UBE2T: variants seen among roughly 807,000 people sequenced by gnomAD.
UBE2T encodes ubiquitin-conjugating enzyme E2 T.
UBE2T carries 15 observed loss-of-function variants against 23.3 expected under a neutral mutation model. That is an observed-to-expected ratio of 0.64 (90% CI 0.43 to 0.99). UBE2T has a LOEUF of 0.99. UBE2T is among the 50% of genes least tolerant of loss of function. UBE2T has a pLI of 0.00. For missense variants in UBE2T, 197 were observed against 234.9 expected, an observed-to-expected ratio of 0.84 and a Z score of 1.05; for synonymous variants, 67 against 78.4, an observed-to-expected ratio of 0.85 and a Z score of 0.77.
intron 1 of UBE2T, among the ~76,000 whole-genome samples, chr1:202,336,347 A>G (rs907450135): frequency 1.3e-5 from 2 of 149,778 alleles, no homozygotes; most frequent in African/African-American, 4.9e-5. Context: ...TCAGCCGCCT[A>G]TGTAGCTGGA....
chr1:202,333,550 G>A lies in UBE2T; in HGVS notation c.185C>T (p.Pro62Leu), dbSNP rs968427687. 1.2e-6 allele frequency: 2 copies of A among 1,611,826 alleles called. No individual in the cohort carries two copies. Among genetic ancestry groups the A allele is most frequent in the Non-Finnish European group, 1.7e-6 (2 of 1,178,522 alleles). ...KLEVIIPERYPFEPPQIRFLT... is the reference protein window; with the variant it reads ...KLEVIIPERYLFEPPQIRFLT... ...AAATCGGATCTGAGGAGGTTCAAAT[G>A]GGTACCTATGAAAGAATAAGACAAC... Residue 62 changes from proline (P) to leucine (L), a missense_variant, in exon 4 of 7, where the codon CCA becomes CTA. Physicochemically the swap from Pro to Leu is moderately conservative, Grantham distance 98. Coordinates refer to ENST00000646651, the MANE Select transcript of UBE2T (RefSeq NM_014176.4).
rs56137992 is a variant in UBE2T, at chr1:202,332,907, C to CAAA, written c.468+100_468+102dup. The CAAA allele has an allele frequency of 3.7e-4, 58 of 157,642 alleles. 9 individuals carry two copies. Among genetic ancestry groups the CAAA allele is most frequent in the African/African-American group, 9.8e-4 (13 of 13,234 alleles). 9.8% of individuals were successfully genotyped at this position (157,642 alleles called of 1,614,324 possible). On this transcript the variant is annotated intron_variant, in intron 6 of 6. Coordinates refer to ENST00000646651, the MANE Select transcript of UBE2T (RefSeq NM_014176.4). Reference sequence around the variant, plus strand: ...TGGGCGACAGAGCGAGACTCCGTCTCAAAAAAAAAAAAAAAAAAAAAAAAA... The same window carrying CAAA: ...TGGGCGACAGAGCGAGACTCCGTCTCAAAAAAAAAAAAAAAAAAAAAAAAAAAA...
intron 1 of UBE2T, among the ~76,000 whole-genome samples, chr1:202,337,304 A>G (rs1405770940): frequency 1.3e-5 from 2 of 152,174 alleles, no homozygotes; most frequent in East Asian, 3.8e-4. Flanking sequence ...CATGTTGTAC[A>G]TGGTGTCTTT....
In UBE2T at chr1:202,335,940, T is replaced by C. The variant is rs1654872702; in HGVS notation, c.-64-122A>G. On this transcript the variant is annotated intron_variant, in intron 1 of 6. Coordinates refer to ENST00000646651, the MANE Select transcript of UBE2T (RefSeq NM_014176.4). The surrounding 1 kb of genome is among the most constrained non-coding windows in gnomAD (Gnocchi z 4.0). ...CCTCTTTTTTGTTTTGAGACACAGT[T>C]TCACTCTGTCACCCAGACTGGAGGG... 1.8e-6 allele frequency: 1 copy of C among 562,160 alleles called. No individual in the cohort carries two copies. Among genetic ancestry groups the C allele is most frequent in the Non-Finnish European group, 3.2e-6 (1 of 314,676 alleles). 34.8% of individuals were successfully genotyped at this position (562,160 alleles called of 1,614,324 possible).
At position 202,335,020 on chromosome 1, in the gene UBE2T, C is replaced by T; in HGVS notation, c.148G>A (p.Val50Ile). Reference protein sequence around the residue: ...GGANTPYEKGVFKLEVIIPER... With the variant: ...GGANTPYEKGIFKLEVIIPER... Reference sequence around the variant, plus strand: ...GGAATGATAACTTCTAGCTTAAAAACACCTTTCTCATAAGGTGTGTTGGCT... The same window carrying T: ...GGAATGATAACTTCTAGCTTAAAAATACCTTTCTCATAAGGTGTGTTGGCT... Residue 50 changes from valine to isoleucine, a missense_variant, in exon 3 of 7, where the codon GTT (valine) becomes ATT (isoleucine). Transcript: ENST00000646651. This position sits in a 1 kb window ranked among gnomAD's most constrained non-coding sequence, Gnocchi z 4.0. The T allele has an allele frequency of 6.2e-7, 1 of 1,612,716 alleles. No homozygotes were observed. Among genetic ancestry groups the T allele is most frequent in the Non-Finnish European group, 8.5e-7 (1 of 1,179,332 alleles).
rs1463953469 is a variant in UBE2T, at chr1:202,333,232, T to C, written c.384+5A>G. 5.0e-6 allele frequency: 8 copies of C among 1,613,958 alleles called. No individual in the cohort carries two copies. Among genetic ancestry groups the C allele is most frequent in the Non-Finnish European group, 5.9e-6 (7 of 1,180,002 alleles). ...TGTGTTGCAGAGGAAAATGGGGATATTTACTATGTCAGCCATGAGCGGGTC... is the reference window on the plus strand; with the variant it reads ...TGTGTTGCAGAGGAAAATGGGGATACTTACTATGTCAGCCATGAGCGGGTC... On this transcript the variant is annotated splice_donor_5th_base_variant and intron_variant, in intron 5 of 6. Coordinates refer to ENST00000646651, the MANE Select transcript of UBE2T (RefSeq NM_014176.4).
At chr1:202,334,244 C>T (rs967203643) in intron 3 of UBE2T, among the ~76,000 whole-genome samples, 4 of 152,196 alleles carry the variant, frequency 2.6e-5, no homozygotes, top group South Asian at 4.2e-4. Flanking sequence ...GGGGCCTTAA[C>T]CATAAAAAGA....
At position 202,338,476 on chromosome 1, in the gene UBE2T, C is replaced by T. The variant is rs1005758263; in HGVS notation, c.-64-2658G>A. On this transcript the variant is annotated intron_variant, in intron 1 of 6. Transcript: ENST00000646651. Reference sequence around the variant, plus strand: ...CCTCAGGTAATCCACCCATCTCAGCCTCTCAAAGTGCTGGGATTACAGGCA... The same window carrying T: ...CCTCAGGTAATCCACCCATCTCAGCTTCTCAAAGTGCTGGGATTACAGGCA... Among the ~76,000 whole-genome samples the T allele has an allele frequency of 2.6e-5, 4 of 152,244 alleles. No homozygotes were observed. The East Asian group carries it at 5.8e-4, about 22-fold the overall frequency.
chr1:202,336,975 G>A (rs977754133), intron 1 of UBE2T, among the ~76,000 whole-genome samples: 12 of 152,086 alleles, frequency 7.9e-5, no homozygotes, highest in East Asian at 5.8e-4. Context: ...ACGGAGTCTC[G>A]GTCTGTTGCC....
chr1:202,333,633 C>CT, intron 3 of UBE2T, 78 bp from the exon 4 acceptor site: 3 of 1,343,862 alleles, frequency 2.2e-6, no homozygotes, highest in Non-Finnish European at 3.1e-6. Context: ...TTCTTGGTCA[C>CT]AATAATTTTG....
Position 202,335,263 on chromosome 1 carries a change from G to C in UBE2T, c.110-205C>G. ...AATGGTGTCAAACAAAGGACATATA[G>C]AAAATCTAAAGCAGAAGTTGCAAAA... On this transcript the variant is annotated intron_variant, in intron 2 of 6. Coordinates refer to ENST00000646651, the MANE Select transcript of UBE2T (RefSeq NM_014176.4). This position sits in a 1 kb window ranked among gnomAD's most constrained non-coding sequence, Gnocchi z 4.0. 1.7e-6 allele frequency: 1 copy of C among 573,280 alleles called. No homozygotes were observed. Among genetic ancestry groups the C allele is most frequent in the East Asian group, 2.8e-5 (1 of 35,296 alleles). The allele number at this position is 573,280 out of a possible 1,614,324, so 35.5% of individuals were successfully genotyped here. A position where few individuals can be genotyped will look rare whatever the true frequency, so the allele number is the denominator to read the frequency against.
rs919160465 is a variant in UBE2T at position 202,331,757 on chromosome 1, TA to T, written c.*77del. ...CAAAAATTATGTCATCAAATATATT[TA>T]AAAAAAAATTCAAGGTAGGCAACTT... On this transcript the variant is annotated 3_prime_UTR_variant, in exon 7 of 7. Coordinates refer to ENST00000646651, the MANE Select transcript of UBE2T (RefSeq NM_014176.4). The T allele has an allele frequency of 5.2e-5, 80 of 1,526,672 alleles. No homozygotes were observed. Among genetic ancestry groups the T allele is most frequent in the South Asian group, 6.0e-5 (5 of 83,840 alleles). 94.6% of individuals were successfully genotyped at this position (1,526,672 alleles called of 1,614,324 possible).
At chr1:202,341,100 C>T (rs1654990931) in intron 1 of UBE2T, among the ~76,000 whole-genome samples, 2 of 152,222 alleles carry the variant, frequency 1.3e-5, no homozygotes, top group East Asian at 1.9e-4. Flanking sequence ...CCACCACTCA[C>T]ACCTTTCCAA....
chr1:202,339,196 C>T (rs934072125), intron 1 of UBE2T, among the ~76,000 whole-genome samples: 1 of 149,888 alleles, frequency 6.7e-6, no homozygotes, highest in Admixed American at 6.7e-5. Context: ...AAAATTTTAA[C>T]CTACAAATCC....
intron 6 of UBE2T, among the ~76,000 whole-genome samples, chr1:202,332,417 T>C (rs1167380215): frequency 6.6e-6 from 1 of 152,200 alleles, no homozygotes; most frequent in Non-Finnish European, 1.5e-5. Flanking sequence ...CCACTATCCC[T>C]GCTACCTGCA....
At position 202,333,457 on chromosome 1, in the gene UBE2T, G is replaced by A. The variant is rs1393902502; in HGVS notation, c.278C>T (p.Pro93Leu). The change falls in exon 4 of 7, where the codon CCA becomes CTA. Residue 93 changes from proline (P) to leucine (L), a missense_variant. Coordinates refer to ENST00000646651, the MANE Select transcript of UBE2T (RefSeq NM_014176.4). ...GRICLDVLKLPPKGAWRPSLN... is the reference protein window; with the variant it reads ...GRICLDVLKLLPKGAWRPSLN... ...CATTTACCCACAACTCACTTTTGGT[G>A]GCAATTTGAGAACATCCAGACAAAT... is the stretch of plus-strand genomic sequence containing the variant. The A allele has an allele frequency of 6.2e-7, 1 of 1,614,082 alleles. No homozygotes were observed. The highest frequency in any genetic ancestry group is 1.3e-5 in the African/African-American group (1 of 75,004).
At chr1:202,337,560 C>T (rs138349508) in intron 1 of UBE2T, among the ~76,000 whole-genome samples, 1 of 152,092 alleles carries the variant, frequency 6.6e-6, no homozygotes, top group African/African-American at 2.4e-5. Flanking sequence ...GTTCTAACAT[C>T]ATTTACTGAA....
At position 202,335,822 on chromosome 1, in the gene UBE2T, G is replaced by C. The variant is rs1258199796; in HGVS notation, c.-64-4C>G. 1 of 1,354,986 alleles carries C rather than the reference G, an allele frequency of 7.4e-7. No homozygotes were observed. 83.9% of individuals were successfully genotyped at this position (1,354,986 alleles called of 1,614,324 possible). A position where few individuals can be genotyped will look rare whatever the true frequency, so the allele number is the denominator to read the frequency against. On this transcript the variant is annotated splice_region_variant and splice_polypyrimidine_tract_variant and intron_variant, in intron 1 of 6. Coordinates refer to ENST00000646651, the MANE Select transcript of UBE2T (RefSeq NM_014176.4). The surrounding 1 kb of genome is among the most constrained non-coding windows in gnomAD (Gnocchi z 4.0). ...ACTAAGAGCTGCCTGGGATGCACTGGAGGAGAAAAGAGGTGACCATAAAAT... is the reference window on the plus strand; with the variant it reads ...ACTAAGAGCTGCCTGGGATGCACTGCAGGAGAAAAGAGGTGACCATAAAAT...
At position 202,335,403 on chromosome 1, in the gene UBE2T, C is replaced by T; in HGVS notation, c.109+243G>A. 1.8e-6 allele frequency: 1 copy of T among 553,184 alleles called. No homozygotes were observed. Among genetic ancestry groups the T allele is most frequent in the East Asian group, 3.0e-5 (1 of 33,834 alleles). 34.3% of individuals were successfully genotyped at this position (553,184 alleles called of 1,614,324 possible). On this transcript the variant is annotated intron_variant, in intron 2 of 6. Transcript: ENST00000646651. This position sits in a 1 kb window ranked among gnomAD's most constrained non-coding sequence, Gnocchi z 4.0. ...GATATTTGAGATGGTTATCTTTGAT[C>T]TAAACACTGCTTCACTGCTTTAAAT...
Sources: allele counts gnomAD v4.1 joint callset (sites outside exome capture counted in the v4.1 genomes callset), GRCh38; gene constraint gnomAD v4.1.1; non-coding constraint Gnocchi (gnomAD v3.1); transcripts MANE v1.5; gene names NCBI Gene and HGNC (gene_info 2026-07-23, HGNC 2026-07-21).